SKAP2: variants seen among roughly 807,000 people sequenced by gnomAD.
SKAP2 encodes src kinase-associated phosphoprotein 2.
SKAP2 carries 28 observed loss-of-function variants against 54.9 expected under a neutral mutation model. The ratio of observed to expected loss-of-function variants is 0.51; its 90% CI spans 0.38 to 0.70. The LOEUF is 0.70. Among genes scored for constraint, SKAP2 ranks in the 30% least tolerant of loss-of-function variants. The pLI, the probability that SKAP2 is intolerant of heterozygous loss-of-function variation, is 0.00. For missense variants in SKAP2, 356 were observed against 424.1 expected (o/e 0.84, Z 1.41); for synonymous variants, 137 against 134.3 (o/e 1.02, Z -0.14).
At chr7:26,831,590 G>A (rs1784597076) in intron 4 of SKAP2, among the ~76,000 whole-genome samples, 1 of 152,042 alleles carries the variant, frequency 6.6e-6, no homozygotes, top group African/African-American at 2.4e-5. Context: ...TTTACTATGG[G>A]TCAGGAAGTA....
At chr7:26,796,106 A>C (rs570644185) in intron 4 of SKAP2, among the ~76,000 whole-genome samples, 175 of 152,356 alleles carry the variant, frequency 1.1e-3, no homozygotes, top group Admixed American at 3.5e-3. Flanking sequence ...AAAACATACA[A>C]ATATCTATTA....
At chr7:26,758,238 G>A (rs931552475) in intron 4 of SKAP2, among the ~76,000 whole-genome samples, 8 of 150,054 alleles carry the variant, frequency 5.3e-5, no homozygotes, top group South Asian at 2.1e-4. Context: ...GAACAACTTC[G>A]TTATAAGCAT....
intron 4 of SKAP2, 50 bp downstream of exon 4, chr7:26,843,980 T>C (rs201166190): frequency 4.0e-5 from 45 of 1,113,038 alleles, no homozygotes; most frequent in African/African-American, 3.2e-4. Flanking sequence ...CCCATATATA[T>C]AGCATTGTTT....
At chr7:26,772,950 CTG>C (rs1783219819) in intron 4 of SKAP2, among the ~76,000 whole-genome samples, 1 of 152,212 alleles carries the variant, frequency 6.6e-6, no homozygotes, top group South Asian at 2.1e-4. Flanking sequence ...ATCGCTAACT[CTG>C]TTATACCTGC....
chr7:26,850,411 C>G (rs952601281), intron 3 of SKAP2, among the ~76,000 whole-genome samples: 1 of 151,726 alleles, frequency 6.6e-6, no homozygotes, highest in Non-Finnish European at 1.5e-5. Flanking sequence ...GAAAACCCAT[C>G]TCTACAAAAA....
At position 26,684,813 on chromosome 7, in the gene SKAP2, C is replaced by A; in HGVS notation, c.910G>T (p.Gly304Ter). ...AAAGCTCCAGTACAATCCCACAATC[C>A]CTGGTAAAAATTAGCATAATCAGTG... The part of the protein sequence containing the change: ...KSTDYANFYQ[G>*]LWDCTGAFSD... The change falls in exon 11 of 13, where the codon GGA becomes TGA. Residue 304 changes from glycine to a stop codon, truncating the protein, a stop_gained. Coordinates refer to ENST00000345317, the MANE Select transcript of SKAP2 (RefSeq NM_003930.5). LOFTEE classifies it high-confidence loss of function. 6.2e-7 allele frequency: 1 copy of A among 1,612,502 alleles called. No individual in the cohort carries two copies. The highest frequency in any genetic ancestry group is 8.5e-7 in the Non-Finnish European group (1 of 1,178,856).
chr7:26,808,434 T>C (rs1205873462), intron 4 of SKAP2, among the ~76,000 whole-genome samples: 1 of 151,972 alleles, frequency 6.6e-6, no homozygotes, highest in Admixed American at 6.6e-5. Context: ...AGACTAAAAA[T>C]AGAATAGAGG....
At chr7:26,781,231 T>C (rs3823939) in intron 4 of SKAP2, among the ~76,000 whole-genome samples, 45,317 of 151,946 alleles carry the variant, frequency 0.3, 7,063 homozygotes, top group Middle Eastern at 0.37. Context: ...ACAGTGCATA[T>C]TGCATGACAG....
rs144597002 is a variant in SKAP2, at chr7:26,829,182, G to A, written c.307+14848C>T. Among the ~76,000 whole-genome samples, 1,143 of 152,184 alleles carry A rather than the reference G, an allele frequency of 7.5e-3. 35 individuals are homozygous for A. Among genetic ancestry groups the A allele is most frequent in the Admixed American group, 0.059 (907 of 15,282 alleles). On this transcript the variant is annotated intron_variant, in intron 4 of 12. Transcript: ENST00000345317. ...GAAAATATTTACCAATCATATATCTGATAAGCAACTAGTATCCAGAATATA... is the reference window on the plus strand; with the variant it reads ...GAAAATATTTACCAATCATATATCTAATAAGCAACTAGTATCCAGAATATA...
chr7:26,796,153 G>T (rs959211009), intron 4 of SKAP2, among the ~76,000 whole-genome samples: 6 of 152,154 alleles, frequency 3.9e-5, no homozygotes, highest in African/African-American at 1.4e-4. Flanking sequence ...ACGCACCACA[G>T]ATCATACATG....
In SKAP2 at chr7:26,727,050, A is replaced by G. The variant is rs1262244389; in HGVS notation, c.470-44T>C. 2.8e-6 allele frequency: 4 copies of G among 1,449,540 alleles called. No homozygotes were observed. In the Admixed American group the frequency reaches 7.1e-5, roughly 26 times the overall value. The allele number at this position is 1,449,540 out of a possible 1,614,324, so 89.8% of individuals were successfully genotyped here. ...GTTAGAATTTCATTTACTAAGTATT[A>G]ATGCTCAATTATCTTTTATGTAAAA... is the stretch of plus-strand genomic sequence containing the variant. On this transcript the variant is annotated intron_variant, in intron 6 of 12. Coordinates refer to ENST00000345317, the MANE Select transcript of SKAP2 (RefSeq NM_003930.5).
chr7:26,851,255 CAAAAAA>C (rs35007326), intron 3 of SKAP2, among the ~76,000 whole-genome samples: 3 of 99,370 alleles, frequency 3.0e-5, no homozygotes, highest in Admixed American at 1.0e-4. Flanking sequence ...CCGTTTTTAC[CAAAAAA>C]AAAAAAAAAA....
chr7:26,717,621 T>A (rs1787481416), intron 9 of SKAP2, among the ~76,000 whole-genome samples: 1 of 142,254 alleles, frequency 7.0e-6, no homozygotes, highest in South Asian at 2.2e-4. Flanking sequence ...AGGTCAAAAG[T>A]TCAAGACCAG....
At chr7:26,704,523 C>A (rs371730701) in intron 9 of SKAP2, among the ~76,000 whole-genome samples, 1 of 152,204 alleles carries the variant, frequency 6.6e-6, no homozygotes, top group South Asian at 2.1e-4. Flanking sequence ...TGAATTTCCA[C>A]GTACCTATGA....
At chr7:26,726,712 T>A in intron 7 of SKAP2, 170 bp downstream of exon 7, 1 of 494,176 alleles carries the variant, frequency 2.0e-6, no homozygotes. Context: ...TAATCTGAAA[T>A]TTTTAAAAAT....
intron 4 of SKAP2, among the ~76,000 whole-genome samples, chr7:26,841,881 C>T (rs1784824361): frequency 6.6e-6 from 1 of 151,966 alleles, no homozygotes; most frequent in Non-Finnish European, 1.5e-5. Flanking sequence ...TCTGATTTGA[C>T]AAAAGGCCTT....
intron 4 of SKAP2, among the ~76,000 whole-genome samples, chr7:26,779,750 A>C (rs535773207): frequency 5.9e-5 from 9 of 152,198 alleles, no homozygotes; most frequent in Middle Eastern, 3.4e-3. Context: ...AATTGGTCAT[A>C]AATTAGATAT....
intron 4 of SKAP2, among the ~76,000 whole-genome samples, chr7:26,756,254 T>G (rs1173020854): frequency 6.6e-6 from 1 of 152,226 alleles, no homozygotes. Context: ...TGTAAACATC[T>G]GCCATGCTGG....
At chr7:26,789,309 C>T (rs562756888) in intron 4 of SKAP2, among the ~76,000 whole-genome samples, 2 of 152,156 alleles carry the variant, frequency 1.3e-5, no homozygotes, top group South Asian at 4.2e-4. Flanking sequence ...GTCCAAAAAC[C>T]TTCTATTCTA....
Sources: allele counts gnomAD v4.1 joint callset (sites outside exome capture counted in the v4.1 genomes callset), GRCh38; gene constraint gnomAD v4.1.1; transcripts MANE v1.5; gene names NCBI Gene and HGNC (gene_info 2026-07-23, HGNC 2026-07-21).